The following PGBD5 variants were observed in gnomAD, a reference collection of about 807,000 sequenced individuals.
PGBD5 encodes the protein piggyBac transposable element-derived protein 5.
PGBD5 carries 14 observed loss-of-function variants against 47.9 expected under a neutral mutation model. That is an observed-to-expected ratio of 0.29 (90% CI 0.19 to 0.46). The LOEUF (loss-of-function observed/expected upper bound fraction) is 0.46. PGBD5 is among the 20% of genes least tolerant of loss of function. The pLI is 1.00. For missense variants in PGBD5, 635 were observed against 716.0 expected (o/e 0.89, Z 1.29); for synonymous variants, 316 against 306.3 (o/e 1.03, Z -0.33).
chr1:230,421,128 A>G (rs1008049063), intron 1 of PGBD5, among the ~76,000 whole-genome samples: 1 of 152,308 alleles, frequency 6.6e-6, no homozygotes, highest in African/African-American at 2.4e-5. Context: ...ACTCATTAGG[A>G]CAACTCGGGA....
At chr1:230,337,070 G>A in intron 4 of PGBD5, 38 bp downstream of exon 4, 1 of 1,597,590 alleles carries the variant, frequency 6.3e-7, no homozygotes, top group Non-Finnish European at 8.6e-7. Flanking sequence ...CCCAGGGGAG[G>A]CTGGGCCGTA....
In PGBD5 at chr1:230,316,392, C is replaced by T. The variant is rs1288542387; in HGVS notation, c.*7033G>A. On this transcript the variant is annotated 3_prime_UTR_variant, in exon 7 of 7. Transcript: ENST00000391860. ...TGCAACTCCAGATCTTCAATTTACACTGAACACCGTACGCAATTGTTCTGG... is the reference window on the plus strand; with the variant it reads ...TGCAACTCCAGATCTTCAATTTACATTGAACACCGTACGCAATTGTTCTGG... 1 of 152,214 alleles carries T rather than the reference C, an allele frequency of 6.6e-6. No homozygotes were observed. The highest frequency in any genetic ancestry group is 2.4e-5 in the African/African-American group (1 of 41,430). The allele number at this position is 152,214 out of a possible 1,614,324, so 9.4% of individuals were successfully genotyped here. A position where few individuals can be genotyped will look rare whatever the true frequency, so the allele number is the denominator to read the frequency against.
rs757334459 is a variant in PGBD5, at chr1:230,332,885, T to C, written c.1232A>G (p.His411Arg). The change falls in exon 5 of 7, where the codon CAC (histidine) becomes CGC (arginine). Residue 411 changes from histidine (H) to arginine (R), a missense_variant. His to Arg is a conservative substitution (Grantham distance 29). Coordinates refer to ENST00000391860, the MANE Select transcript of PGBD5 (RefSeq NM_001258311.2). ...MSLICWYNKGHFRFLTNAYSP... is the reference protein window; with the variant it reads ...MSLICWYNKGRFRFLTNAYSP... ...GTAGGCGTTGGTCAGGAAGCGGAAG[T>C]GTCCTTTGTTGTACCAGCAGATCAA... 2 of 1,614,088 alleles carry C rather than the reference T, an allele frequency of 1.2e-6. No individual in the cohort carries two copies. Among genetic ancestry groups the C allele is most frequent in the Non-Finnish European group, 1.7e-6 (2 of 1,180,030 alleles).
At position 230,323,274 on chromosome 1, in the gene PGBD5, G is replaced by C; in HGVS notation, c.*151C>G. ...GAGGACAGCAACCGTCCTCTGACCA[G>C]GTCCATCCTGTCCCTCCAGAGGCCC... is the stretch of plus-strand genomic sequence containing the variant. On this transcript the variant is annotated 3_prime_UTR_variant, in exon 7 of 7. Transcript: ENST00000391860. The surrounding 1 kb of genome is among the most constrained non-coding windows in gnomAD (Gnocchi z 4.1). The C allele has an allele frequency of 4.9e-6, 4 of 823,342 alleles. No homozygotes were observed. Among genetic ancestry groups the C allele is most frequent in the Non-Finnish European group, 7.4e-6 (4 of 536,998 alleles). 51.0% of individuals were successfully genotyped at this position (823,342 alleles called of 1,614,324 possible). A position where few individuals can be genotyped will look rare whatever the true frequency, so the allele number is the denominator to read the frequency against.
At chr1:230,399,904 T>C (rs915661529) in intron 1 of PGBD5, among the ~76,000 whole-genome samples, 10 of 152,206 alleles carry the variant, frequency 6.6e-5, no homozygotes, top group Non-Finnish European at 1.0e-4. Context: ...GTCTCCACCA[T>C]CTCTTGCCAG....
chr1:230,340,044 G>A (rs1331693321), intron 3 of PGBD5, among the ~76,000 whole-genome samples: 2 of 152,088 alleles, frequency 1.3e-5, no homozygotes, highest in African/African-American at 4.8e-5. Context: ...CAGTTGGCTC[G>A]ATTTGGCCAT....
intron 1 of PGBD5, among the ~76,000 whole-genome samples, chr1:230,360,693 C>A (rs12755630): frequency 4.6e-5 from 7 of 152,126 alleles, no homozygotes; most frequent in African/African-American, 1.7e-4. Context: ...CGAAACCATG[C>A]GAACTGTGAG....
At position 230,357,063 on chromosome 1, in the gene PGBD5, C is replaced by T. The variant is rs750503916; in HGVS notation, c.590G>A (p.Arg197His). 6 of 1,614,030 alleles carry T rather than the reference C, an allele frequency of 3.7e-6. No individual in the cohort carries two copies. The highest frequency in any genetic ancestry group is 1.1e-5 in the South Asian group (1 of 91,086). The change falls in exon 2 of 7, where the codon CGC (arginine) becomes CAC (histidine). Residue 197 changes from arginine (R) to histidine (H), a missense_variant. Coordinates refer to ENST00000391860, the MANE Select transcript of PGBD5 (RefSeq NM_001258311.2). The surrounding 1 kb of genome is among the most constrained non-coding windows in gnomAD (Gnocchi z 5.7). ...SIWSGGFYSN[R>H]SLALVMSQAR... ...CTGGCTCATGACGAGGGCGAGGCTGCGGTTGCTGTAGAAGCCTCCGCTCCA... is the reference window on the plus strand; with the variant it reads ...CTGGCTCATGACGAGGGCGAGGCTGTGGTTGCTGTAGAAGCCTCCGCTCCA...
rs549248902 is a variant in PGBD5 at position 230,366,310 on chromosome 1, T to C, written c.332-8989A>G. ...TAAAACATAGTGCTGTCTGTAGGGA[T>C]GAGAGATGGATTACCTGCAGATGGG... On this transcript the variant is annotated intron_variant, in intron 1 of 6. Coordinates refer to ENST00000391860, the MANE Select transcript of PGBD5 (RefSeq NM_001258311.2). Among the ~76,000 whole-genome samples, 4 of 152,190 alleles carry C rather than the reference T, an allele frequency of 2.6e-5. No homozygotes were observed. The South Asian group carries it at 8.3e-4, about 32-fold the overall frequency.
intron 1 of PGBD5, among the ~76,000 whole-genome samples, chr1:230,417,728 C>T (rs367727313): frequency 1.3e-5 from 2 of 152,334 alleles, no homozygotes; most frequent in African/African-American, 2.4e-5. Flanking sequence ...CATAGAAATC[C>T]ATGTTTTCCC....
At chr1:230,399,827 G>A (rs527965966) in intron 1 of PGBD5, among the ~76,000 whole-genome samples, 2 of 152,276 alleles carry the variant, frequency 1.3e-5, no homozygotes, top group East Asian at 1.9e-4. Context: ...GTGGAAACAC[G>A]CGATCCATCA....
At chr1:230,368,438 G>A (rs549791641) in intron 1 of PGBD5, among the ~76,000 whole-genome samples, 21 of 152,370 alleles carry the variant, frequency 1.4e-4, no homozygotes, top group Admixed American at 1.3e-3. Context: ...CTAGGGAGGG[G>A]TTAAAAGAAA....
intron 5 of PGBD5, among the ~76,000 whole-genome samples, chr1:230,329,376 T>C (rs1413247251): frequency 1.3e-5 from 2 of 152,234 alleles, no homozygotes; most frequent in Non-Finnish European, 2.9e-5. Flanking sequence ...AAAATGTTCA[T>C]ACCTAGTTAC....
At chr1:230,419,663 G>A (rs753472584) in intron 1 of PGBD5, among the ~76,000 whole-genome samples, 2 of 152,204 alleles carry the variant, frequency 1.3e-5, no homozygotes, top group Non-Finnish European at 2.9e-5. Flanking sequence ...CTTGTAAGCA[G>A]GATGTTCTAA....
intron 1 of PGBD5, among the ~76,000 whole-genome samples, chr1:230,419,996 C>T (rs953186111): frequency 2.6e-5 from 4 of 152,146 alleles, no homozygotes; most frequent in South Asian, 4.2e-4. Context: ...CGTGGTGGTG[C>T]GTGCCTGTAA....
chr1:230,333,803 T>A lies in PGBD5; in HGVS notation c.1076-762A>T, dbSNP rs1177452061. On this transcript the variant is annotated intron_variant, in intron 4 of 6. Coordinates refer to ENST00000391860, the MANE Select transcript of PGBD5 (RefSeq NM_001258311.2). ...TTCAGGCCTGGAAGACTGGCATGGG[T>A]GGCTGGTGGGCGGTAGAGACCAGTA... is the stretch of plus-strand genomic sequence containing the variant. 3.3e-5 allele frequency among the ~76,000 whole-genome samples: 5 copies of A among 152,264 alleles called. No individual in the cohort carries two copies. The East Asian group carries it at 7.7e-4, about 24-fold the overall frequency.
rs543603705 is a variant in PGBD5 at position 230,320,800 on chromosome 1, G to A, written c.*2625C>T. The A allele has an allele frequency of 3.3e-5, 5 of 152,318 alleles. No individual in the cohort carries two copies. In the South Asian group the frequency reaches 1.0e-3, roughly 32 times the overall value. The allele number at this position is 152,318 out of a possible 1,614,324, so 9.4% of individuals were successfully genotyped here. ...CTAAGGCAAGGTCCAGGTCCCTGGA[G>A]GTTCTGTCAGTCCGTCCTACATGCT... On this transcript the variant is annotated 3_prime_UTR_variant, in exon 7 of 7. Transcript: ENST00000391860.
intron 1 of PGBD5, among the ~76,000 whole-genome samples, chr1:230,384,967 G>A (rs935393036): frequency 6.6e-6 from 1 of 152,196 alleles, no homozygotes; most frequent in Admixed American, 6.5e-5. Flanking sequence ...AAGTATTTCA[G>A]TAAATATGTT....
At chr1:230,389,178 T>C (rs1162975737) in intron 1 of PGBD5, among the ~76,000 whole-genome samples, 3 of 151,330 alleles carry the variant, frequency 2.0e-5, no homozygotes, top group Non-Finnish European at 3.0e-5. Flanking sequence ...TTCTTTCTTT[T>C]TTTTTTTTTT....
Sources: allele counts gnomAD v4.1 joint callset (sites outside exome capture counted in the v4.1 genomes callset), GRCh38; gene constraint gnomAD v4.1.1; non-coding constraint Gnocchi (gnomAD v3.1); transcripts MANE v1.5; gene names NCBI Gene and HGNC (gene_info 2026-07-23, HGNC 2026-07-21).